Variants in DYNC1I2 observed in about 807,000 individuals in gnomAD.
The protein encoded by DYNC1I2 is cytoplasmic dynein 1 intermediate chain 2.
DYNC1I2 carries 53 observed loss-of-function variants against 88.6 expected under a neutral mutation model. The ratio of observed to expected loss-of-function variants is 0.60; its 90% CI spans 0.48 to 0.75. DYNC1I2 has a LOEUF of 0.75. Among genes scored for constraint, DYNC1I2 ranks in the 30% least tolerant of loss-of-function variants. The pLI, the probability that DYNC1I2 is intolerant of heterozygous loss-of-function variation, is 0.00. For missense variants in DYNC1I2, 458 were observed against 766.6 expected (o/e 0.60, Z 4.75); for synonymous variants, 198 against 254.6 (o/e 0.78, Z 2.12).
intron 5 of DYNC1I2, among the ~76,000 whole-genome samples, chr2:171,710,520 C>T (rs1687038840): frequency 6.6e-6 from 1 of 152,104 alleles, no homozygotes; most frequent in African/African-American, 2.4e-5. Flanking sequence ...ATGTTTGAAT[C>T]ACTCTAAGTG....
chr2:171,704,276 AAAG>A (rs554325918), intron 3 of DYNC1I2, among the ~76,000 whole-genome samples: 129 of 151,630 alleles, frequency 8.5e-4, no homozygotes, highest in Middle Eastern at 3.4e-3. Context: ...CTGGATAGTT[AAAG>A]AAGTACAGTC....
intron 1 of DYNC1I2, chr2:171,687,871 C>T (rs1685081235): frequency 6.6e-6 from 1 of 152,444 alleles, no homozygotes; most frequent in African/African-American, 2.4e-5. Flanking sequence ...AGTCACCTGA[C>T]AGGTGGGTTG....
chr2:171,725,475 A>G, intron 7 of DYNC1I2, 143 bp from the exon 8 acceptor site: 1 of 558,338 alleles, frequency 1.8e-6, no homozygotes. Context: ...CTGTCCGGTC[A>G]GTGGTTTACT....
At chr2:171,743,954 T>A in intron 15 of DYNC1I2, 95 bp from the exon 16 acceptor site, 1 of 1,120,238 alleles carries the variant, frequency 8.9e-7, no homozygotes, top group Non-Finnish European at 1.2e-6. Flanking sequence ...TTATCATACC[T>A]GTTGAATGTA....
At chr2:171,711,929 A>G (rs1434544741) in intron 5 of DYNC1I2, among the ~76,000 whole-genome samples, 1 of 152,224 alleles carries the variant, frequency 6.6e-6, no homozygotes, top group East Asian at 1.9e-4. Flanking sequence ...ATTATCTTAT[A>G]TATTGCTAAC....
chr2:171,747,824 C>T lies in DYNC1I2; in HGVS notation c.1852C>T (p.Leu618Phe), dbSNP rs1195209659. 1.2e-6 allele frequency: 2 copies of T among 1,611,294 alleles called. No individual in the cohort carries two copies. Among genetic ancestry groups the T allele is most frequent in the Non-Finnish European group, 1.7e-6 (2 of 1,179,504 alleles). Reference sequence around the variant, plus strand: ...TGAATGGGCACGGTTTGGCCGAACACTTGCAGAAATTAATGCAAACCGAGC... The same window carrying T: ...TGAATGGGCACGGTTTGGCCGAACATTTGCAGAAATTAATGCAAACCGAGC... ...NDEWARFGRT[L>F]AEINANRADA... is the part of the protein sequence containing the mutation. Residue 618 changes from leucine to phenylalanine, a missense_variant, in exon 18 of 18, where the codon CTT becomes TTT. Transcript: ENST00000397119.
intron 15 of DYNC1I2, among the ~76,000 whole-genome samples, chr2:171,737,637 T>G (rs1241713332): frequency 2.6e-5 from 4 of 152,174 alleles, no homozygotes; most frequent in Admixed American, 2.6e-4. Context: ...CAGGCTGGTC[T>G]CAAACTCCTG....
chr2:171,744,980 T>C (rs1248282580), intron 16 of DYNC1I2, among the ~76,000 whole-genome samples: 2 of 152,180 alleles, frequency 1.3e-5, no homozygotes, highest in Non-Finnish European at 2.9e-5. Context: ...ATTTTAGTCT[T>C]AGAGATTTGA....
At chr2:171,720,569 A>C (rs552949518) in intron 7 of DYNC1I2, among the ~76,000 whole-genome samples, 1 of 152,244 alleles carries the variant, frequency 6.6e-6, no homozygotes, top group Non-Finnish European at 1.5e-5. Context: ...CCCCATCTGT[A>C]CTGAAAATAC....
chr2:171,706,447 C>A, intron 3 of DYNC1I2, 100 bp from the exon 4 acceptor site: 2 of 937,428 alleles, frequency 2.1e-6, no homozygotes, highest in Non-Finnish European at 3.4e-6. Flanking sequence ...TAGGGGAAAG[C>A]ACTTGCTGTT....
chr2:171,715,859 C>A (rs1687453216), intron 7 of DYNC1I2, among the ~76,000 whole-genome samples: 1 of 151,966 alleles, frequency 6.6e-6, no homozygotes, highest in South Asian at 2.1e-4. Flanking sequence ...CATACTGTAC[C>A]CTGATGTTAT....
intron 1 of DYNC1I2, among the ~76,000 whole-genome samples, chr2:171,689,204 T>G (rs950404791): frequency 6.6e-6 from 1 of 152,260 alleles, no homozygotes; most frequent in African/African-American, 2.4e-5. Context: ...AGTCCCTGAT[T>G]TCAAGTACAT....
At chr2:171,702,393 CAT>C (rs1042105725) in intron 3 of DYNC1I2, among the ~76,000 whole-genome samples, 19 of 152,166 alleles carry the variant, frequency 1.2e-4, no homozygotes, top group African/African-American at 3.6e-4. Flanking sequence ...ATCCTTAAAA[CAT>C]ATGCCTACAA....
intron 17 of DYNC1I2, among the ~76,000 whole-genome samples, chr2:171,747,207 T>TATATATATATATA (rs1491354708): frequency 8.0e-6 from 1 of 124,702 alleles, no homozygotes; most frequent in Non-Finnish European, 1.7e-5. Flanking sequence ...AAAAAAAAAA[T>TATATATATATATA]TATATATATA....
intron 1 of DYNC1I2, chr2:171,688,427 C>T (rs889827561): frequency 2.0e-5 from 3 of 152,058 alleles, no homozygotes; most frequent in Non-Finnish European, 4.4e-5. Context: ...TTTAAAAATG[C>T]GCTTATTTTA....
intron 5 of DYNC1I2, among the ~76,000 whole-genome samples, 178 bp downstream of exon 5, chr2:171,707,555 T>A (rs1254808611): frequency 6.6e-6 from 1 of 152,218 alleles, no homozygotes; most frequent in African/African-American, 2.4e-5. Context: ...TCTTTGTTTT[T>A]TTTTAATAAT....
At chr2:171,704,117 CTAAAT>C (rs1362385386) in intron 3 of DYNC1I2, among the ~76,000 whole-genome samples, 1 of 152,164 alleles carries the variant, frequency 6.6e-6, no homozygotes, top group Non-Finnish European at 1.5e-5. Context: ...AATGCTAATT[CTAAAT>C]CTAGGTGCAT....
rs1233816974 is a variant in DYNC1I2, at chr2:171,748,243, T to C, written c.*354T>C. The C allele has an allele frequency of 5.7e-6, 1 of 174,224 alleles. No individual in the cohort carries two copies. The highest frequency in any genetic ancestry group is 1.2e-5 in the Non-Finnish European group (1 of 83,322). The allele number at this position is 174,224 out of a possible 1,614,324, so 10.8% of individuals were successfully genotyped here. ...ATAAGTTCTGCATATTTTTAAATAATCACAGTTCCCTGTTATACAGATAAT... is the reference window on the plus strand; with the variant it reads ...ATAAGTTCTGCATATTTTTAAATAACCACAGTTCCCTGTTATACAGATAAT... On this transcript the variant is annotated 3_prime_UTR_variant, in exon 18 of 18. Coordinates refer to ENST00000397119, the MANE Select transcript of DYNC1I2 (RefSeq NM_001378.3).
Position 171,709,113 on chromosome 2 carries a change from A to C in DYNC1I2, c.335+1736A>C, listed in dbSNP as rs368365801. On this transcript the variant is annotated intron_variant, in intron 5 of 17. Transcript: ENST00000397119. ...AAGATTAAAAATTACTATATTTATT[A>C]AATGTCTTTATTTGATATTATACAT... Among the ~76,000 whole-genome samples the C allele has an allele frequency of 4.3e-4, 66 of 152,290 alleles. 1 individual carries two copies. The East Asian group carries it at 9.6e-3, about 22-fold the overall frequency.
Sources: allele counts gnomAD v4.1 joint callset (sites outside exome capture counted in the v4.1 genomes callset), GRCh38; gene constraint gnomAD v4.1.1; transcripts MANE v1.5; gene names NCBI Gene and HGNC (gene_info 2026-07-23, HGNC 2026-07-21).